BLVRB: variants seen among roughly 807,000 people sequenced by gnomAD.
BLVRB encodes the protein biliverdin reductase B, also known as flavin reductase (NADPH).
A neutral mutation model predicts 21.1 loss-of-function variants in BLVRB; 25 were observed. The observed-to-expected ratio is 1.19, with a 90% CI of 0.86 to 1.66. The LOEUF (loss-of-function observed/expected upper bound fraction) is 1.66. BLVRB is among the 40% of genes most tolerant of loss of function. The pLI is 0.00. For synonymous variants in BLVRB, 128 were observed against 122.2 expected (o/e 1.05, Z -0.31); for missense variants, 274 against 282.7 (o/e 0.97, Z 0.22).
intron 1 of BLVRB, among the ~76,000 whole-genome samples, chr19:40,464,609 A>T (rs182376734): frequency 1.3e-5 from 2 of 151,744 alleles, no homozygotes; most frequent in African/African-American, 4.8e-5. Context: ...CTTCTCCATT[A>T]CTCCCGAATA....
rs561292582 is a variant in BLVRB at position 40,455,364 on chromosome 19, C to G, written c.334+2791G>C. ...ACTGTGGTGCTGGAAGAGAAAAGTC[C>G]TTTTTCTTGGGACTTGCCGAAGGTG... On this transcript the variant is annotated intron_variant, in intron 3 of 4. Transcript: ENST00000263368. 2.0e-5 allele frequency among the ~76,000 whole-genome samples: 3 copies of G among 152,296 alleles called. No individual in the cohort carries two copies. The East Asian group carries it at 5.8e-4, about 29-fold the overall frequency.
intron 4 of BLVRB, among the ~76,000 whole-genome samples, chr19:40,449,304 G>C (rs2079728652): frequency 6.6e-6 from 1 of 151,800 alleles, no homozygotes; most frequent in African/African-American, 2.4e-5. Context: ...GGAGTACAGT[G>C]GTGCAATCTT....
intron 3 of BLVRB, among the ~76,000 whole-genome samples, chr19:40,454,627 G>A (rs1410061266): frequency 1.3e-5 from 2 of 149,682 alleles, no homozygotes; most frequent in African/African-American, 2.5e-5. Flanking sequence ...CTCACTGCAA[G>A]CTCCTCCTCC....
At chr19:40,456,035 AAAG>A (rs2145779683) in intron 3 of BLVRB, among the ~76,000 whole-genome samples, 1 of 152,310 alleles carries the variant, frequency 6.6e-6, no homozygotes, top group African/African-American at 2.4e-5. Flanking sequence ...AAAAATAAAA[AAAG>A]AAAAGGAATA....
At chr19:40,460,275 T>TATATATATATATATATA (rs1555806375) in intron 1 of BLVRB, among the ~76,000 whole-genome samples, 57 of 134,322 alleles carry the variant, frequency 4.2e-4, no homozygotes, top group African/African-American at 8.6e-4. Context: ...TATATATATA[T>TATATATATATATATATA]TTAGAGACAG....
chr19:40,449,632 TG>T (rs1156848945), intron 4 of BLVRB, among the ~76,000 whole-genome samples: 1 of 152,202 alleles, frequency 6.6e-6, no homozygotes, highest in Non-Finnish European at 1.5e-5. Context: ...GCATGTTTTG[TG>T]TGCAAATATC....
At chr19:40,454,650 A>G (rs1599687606) in intron 3 of BLVRB, among the ~76,000 whole-genome samples, 1 of 151,046 alleles carries the variant, frequency 6.6e-6, no homozygotes. Context: ...GGTTTACGCC[A>G]TTCTCCTGCC....
intron 3 of BLVRB, among the ~76,000 whole-genome samples, chr19:40,454,903 G>A (rs1226050391): frequency 2.0e-5 from 3 of 152,162 alleles, no homozygotes; most frequent in African/African-American, 4.8e-5. Context: ...GTGCAGTGGT[G>A]CCATCACGGC....
intron 1 of BLVRB, 40 bp from the exon 2 acceptor site, chr19:40,458,585 G>A (rs1298793314): frequency 3.9e-6 from 6 of 1,528,080 alleles, no homozygotes; most frequent in Middle Eastern, 1.7e-4. Context: ...TCAGTGGGCT[G>A]GCACTCTTGG....
chr19:40,458,424 C>A lies in BLVRB; in HGVS notation c.201G>T (p.Gly67=). The A allele has an allele frequency of 1.3e-6, 2 of 1,593,718 alleles. No homozygotes were observed. Among genetic ancestry groups the A allele is most frequent in the Non-Finnish European group, 1.7e-6 (2 of 1,170,884 alleles). ...CCAGCAGCACGATGACAGCGTCCTG[C>A]CCAGCCACGGTCTTGTCCACATCGG... ...QAADVDKTVA[G]QDAVIVLLGT... is the part of the protein sequence containing the mutation. The change falls in exon 2 of 5, where the codon GGG becomes GGT. Residue 67 remains glycine, a synonymous_variant. Coordinates refer to ENST00000263368, the MANE Select transcript of BLVRB (RefSeq NM_000713.3).
At chr19:40,464,827 C>G (rs187819920) in intron 1 of BLVRB, among the ~76,000 whole-genome samples, 70 of 152,230 alleles carry the variant, frequency 4.6e-4, no homozygotes, top group Non-Finnish European at 6.2e-4. Flanking sequence ...CTTCAGCGTC[C>G]CCAAGGCCTG....
intron 1 of BLVRB, 149 bp downstream of exon 1, chr19:40,465,461 C>T: frequency 1.1e-6 from 1 of 929,254 alleles, no homozygotes; most frequent in Non-Finnish European, 1.6e-6. Flanking sequence ...CATTTCTGCC[C>T]CCGTGGCCAC....
At chr19:40,463,734 A>G (rs2079798432) in intron 1 of BLVRB, among the ~76,000 whole-genome samples, 1 of 149,612 alleles carries the variant, frequency 6.7e-6, no homozygotes, top group Admixed American at 6.7e-5. Flanking sequence ...CCTCCCAAGT[A>G]CCTGGAATTA....
intron 1 of BLVRB, among the ~76,000 whole-genome samples, chr19:40,460,591 T>G (rs1475316327): frequency 1.3e-5 from 2 of 149,966 alleles, no homozygotes; most frequent in African/African-American, 4.9e-5. Flanking sequence ...AGAACAAGAC[T>G]CTGTCTCAAA....
At chr19:40,459,241 A>G (rs2079775714) in intron 1 of BLVRB, among the ~76,000 whole-genome samples, 1 of 146,730 alleles carries the variant, frequency 6.8e-6, no homozygotes, top group Admixed American at 6.9e-5. Context: ...AGGCAAAAGA[A>G]TCACTTGACC....
At chr19:40,458,619 G>A (rs2079773493) in intron 1 of BLVRB, 74 bp from the exon 2 acceptor site, 1 of 1,465,810 alleles carries the variant, frequency 6.8e-7, no homozygotes, top group Non-Finnish European at 9.1e-7. Context: ...GGTCCTAGAA[G>A]CCACCATGAA....
At chr19:40,449,635 G>A (rs2079730213) in intron 4 of BLVRB, among the ~76,000 whole-genome samples, 1 of 152,164 alleles carries the variant, frequency 6.6e-6, no homozygotes, top group South Asian at 2.1e-4. Flanking sequence ...TGTTTTGTGT[G>A]CAAATATCTT....
chr19:40,465,080 G>T (rs2079805107), intron 1 of BLVRB, among the ~76,000 whole-genome samples: 1 of 152,118 alleles, frequency 6.6e-6, no homozygotes, highest in South Asian at 2.1e-4. Context: ...AACTTTTTCA[G>T]TTTCCAGCCT....
At chr19:40,452,394 C>T (rs45472391) in intron 3 of BLVRB, among the ~76,000 whole-genome samples, 25,347 of 152,078 alleles carry the variant, frequency 0.17, 2,189 homozygotes, top group African/African-American at 0.19. Flanking sequence ...CTCACTGCAG[C>T]CTTGACTTTC....
Sources: gnomAD v4.1 joint callset for allele counts (sites outside exome capture counted in the v4.1 genomes callset) on GRCh38, gnomAD v4.1.1 for gene constraint, MANE v1.5 for transcripts, NCBI Gene and HGNC (gene_info 2026-07-23, HGNC 2026-07-21) for gene names.